The following CSMD3 variants were observed in gnomAD, a reference collection of about 807,000 sequenced individuals.
CSMD3 encodes CUB and Sushi multiple domains 3, also known as CUB and sushi domain-containing protein 3.
A neutral mutation model predicts 435.2 loss-of-function variants in CSMD3; 177 were observed. That is an observed-to-expected ratio of 0.41 (90% CI 0.36 to 0.46). CSMD3 has a LOEUF of 0.46. Among genes scored for constraint, CSMD3 ranks in the 20% least tolerant of loss-of-function variants. CSMD3 has a pLI of 0.34. For synonymous variants in CSMD3, 1,656 were observed against 1,520.5 expected (o/e 1.09, Z -2.07); for missense variants, 4,265 against 4,504.6 (o/e 0.95, Z 1.52).
chr8:112,313,966 A>G lies in CSMD3; in HGVS notation c.7636T>C (p.Phe2546Leu). The G allele has an allele frequency of 6.2e-7, 1 of 1,611,958 alleles. No individual in the cohort carries two copies. Among genetic ancestry groups the G allele is most frequent in the Non-Finnish European group, 8.5e-7 (1 of 1,178,274 alleles). The change falls in exon 49 of 71, where the codon TTT (phenylalanine) becomes CTT (leucine). Residue 2546 changes from phenylalanine to leucine, a missense_variant. Physicochemically the swap from Phe to Leu is conservative, Grantham distance 22 (BLOSUM62 0). This residue lies in a region of CSMD3 where 3,255 missense variants were observed against 3,380.2 expected (regional missense o/e 0.96). Coordinates refer to ENST00000297405, the MANE Select transcript of CSMD3 (RefSeq NM_198123.2). ...FNITSNGHEV[F>L]LQWSADHGNN... ...CCATGATCTGCTGACCACTGAAGAAATACTTCATGACCATTGCTTGTTATA... is the reference window on the plus strand; with the variant it reads ...CCATGATCTGCTGACCACTGAAGAAGTACTTCATGACCATTGCTTGTTATA...
intron 1 of CSMD3, among the ~76,000 whole-genome samples, chr8:113,409,747 C>T (rs778947668): frequency 6.6e-6 from 1 of 152,164 alleles, no homozygotes. Flanking sequence ...CAAAGTTACA[C>T]ATTATATTGA....
chr8:112,760,646 A>G (rs1198401779), intron 13 of CSMD3, among the ~76,000 whole-genome samples: 2 of 152,190 alleles, frequency 1.3e-5, no homozygotes, highest in Non-Finnish European at 2.9e-5. Context: ...AAATAAAAAT[A>G]TTCTTATCAT....
chr8:112,309,012 A>C (rs1821707104), intron 50 of CSMD3, among the ~76,000 whole-genome samples: 1 of 152,038 alleles, frequency 6.6e-6, no homozygotes, highest in African/African-American at 2.4e-5. Flanking sequence ...ATCTTTTTTA[A>C]CAATTAGAAA....
chr8:112,764,243 G>A (rs180955152), intron 13 of CSMD3, among the ~76,000 whole-genome samples: 2 of 151,406 alleles, frequency 1.3e-5, no homozygotes, highest in East Asian at 1.9e-4. Flanking sequence ...TTCAATGAGT[G>A]GAGGGAACAG....
intron 1 of CSMD3, among the ~76,000 whole-genome samples, chr8:113,342,235 C>T (rs538594221): frequency 6.6e-6 from 1 of 152,208 alleles, no homozygotes; most frequent in Admixed American, 6.6e-5. Flanking sequence ...GTTTCACCTT[C>T]CATGTAAACA....
At chr8:112,488,330 C>T (rs1354428450) in intron 31 of CSMD3, among the ~76,000 whole-genome samples, 2 of 152,118 alleles carry the variant, frequency 1.3e-5, no homozygotes, top group Admixed American at 6.6e-5. Flanking sequence ...ACGCTAAACA[C>T]GATATTATAG....
intron 17 of CSMD3, among the ~76,000 whole-genome samples, chr8:112,662,978 C>A (rs111853551): frequency 6.6e-5 from 10 of 152,150 alleles, no homozygotes; most frequent in African/African-American, 2.4e-4. Flanking sequence ...CAACGAGATA[C>A]CATCTCACAC....
At chr8:112,961,710 C>T (rs748196218) in intron 7 of CSMD3, among the ~76,000 whole-genome samples, 8 of 151,574 alleles carry the variant, frequency 5.3e-5, no homozygotes, top group African/African-American at 1.5e-4. Flanking sequence ...TTTAGGAGAC[C>T]GTGAACAGAC....
At chr8:112,298,070 A>C (rs1207831921) in intron 53 of CSMD3, among the ~76,000 whole-genome samples, 2 of 87,170 alleles carry the variant, frequency 2.3e-5, no homozygotes, top group Admixed American at 2.0e-4. Context: ...ATTGCACAAA[A>C]AAAAAAAAAA....
At chr8:113,167,669 G>A (rs990507274) in intron 4 of CSMD3, among the ~76,000 whole-genome samples, 5 of 152,232 alleles carry the variant, frequency 3.3e-5, no homozygotes, top group African/African-American at 1.2e-4. Context: ...CAAGTGACCT[G>A]TGACACTTGT....
intron 13 of CSMD3, among the ~76,000 whole-genome samples, chr8:112,743,523 T>C (rs1398295188): frequency 6.6e-6 from 1 of 151,872 alleles, no homozygotes; most frequent in Non-Finnish European, 1.5e-5. Flanking sequence ...GGGATGGATA[T>C]TTCCTTGTGA....
intron 22 of CSMD3, among the ~76,000 whole-genome samples, chr8:112,589,451 G>C (rs1016446385): frequency 5.9e-5 from 9 of 152,058 alleles, no homozygotes; most frequent in Non-Finnish European, 1.2e-4. Flanking sequence ...TCAGTATCCG[G>C]TGGCTGTGAT....
At chr8:113,000,185 A>G (rs962055965) in intron 6 of CSMD3, among the ~76,000 whole-genome samples, 1 of 152,086 alleles carries the variant, frequency 6.6e-6, no homozygotes, top group Non-Finnish European at 1.5e-5. Context: ...CCAAATTCAG[A>G]AAGTGTTTCA....
chr8:112,423,186 C>T (rs1290175828), intron 32 of CSMD3, among the ~76,000 whole-genome samples: 1 of 151,702 alleles, frequency 6.6e-6, no homozygotes, highest in East Asian at 1.9e-4. Flanking sequence ...TCATCCATAA[C>T]CAAAAAGAGC....
chr8:112,621,353 A>G (rs1265032971), intron 22 of CSMD3, among the ~76,000 whole-genome samples: 1 of 152,180 alleles, frequency 6.6e-6, no homozygotes, highest in African/African-American at 2.4e-5. Context: ...TGCATATTTG[A>G]CAACTTTTAT....
chr8:112,404,076 G>T (rs1288823974), intron 35 of CSMD3, among the ~76,000 whole-genome samples: 8 of 151,934 alleles, frequency 5.3e-5, no homozygotes, highest in African/African-American at 1.9e-4. Context: ...GGGTGGGAGT[G>T]GCGATATCAA....
At position 112,420,232 on chromosome 8, in the gene CSMD3, TCAA is replaced by T. The variant is rs372439206; in HGVS notation, c.5396-11203_5396-11201del. Among the ~76,000 whole-genome samples the T allele has an allele frequency of 2.8e-3, 422 of 152,274 alleles. 1 individual carries two copies. Among genetic ancestry groups the T allele is most frequent in the African/African-American group, 9.5e-3 (395 of 41,586 alleles). ...AACCATCACCCAACTTCAACACTTA[TCAA>T]CATTATGCCAATCTTGTTTCATGTG... On this transcript the variant is annotated intron_variant, in intron 32 of 70. Transcript: ENST00000297405.
chr8:113,300,827 C>T (rs975075482), intron 2 of CSMD3, among the ~76,000 whole-genome samples: 3 of 152,020 alleles, frequency 2.0e-5, no homozygotes, highest in African/African-American at 7.3e-5. Context: ...CATATATCCT[C>T]TGAATTCAAA....
At chr8:113,181,282 G>A (rs2092418372) in intron 3 of CSMD3, among the ~76,000 whole-genome samples, 2 of 151,924 alleles carry the variant, frequency 1.3e-5, no homozygotes, top group South Asian at 4.2e-4. Context: ...ATATTTCCAA[G>A]GAAAGAAAGT....
Sources: gnomAD v4.1 joint callset for allele counts (sites outside exome capture counted in the v4.1 genomes callset) on GRCh38, gnomAD v4.1.1 for gene constraint, gnomAD v4.1.1 regional missense constraint, MANE v1.5 for transcripts, NCBI Gene and HGNC (gene_info 2026-07-23, HGNC 2026-07-21) for gene names.